Variants in THSD7B observed in about 807,000 individuals in gnomAD.
THSD7B encodes thrombospondin type-1 domain-containing protein 7B.
In THSD7B, 138 loss-of-function variants were observed where a neutral mutation model predicts 213.6. The ratio of observed to expected loss-of-function variants is 0.65; its 90% CI spans 0.56 to 0.74. The LOEUF (loss-of-function observed/expected upper bound fraction) is 0.74. THSD7B is among the 30% of genes least tolerant of loss of function. THSD7B has a pLI of 0.00. For missense variants in THSD7B, 1,931 were observed against 1,991.5 expected (o/e 0.97, Z 0.58); for synonymous variants, 742 against 687.0 (o/e 1.08, Z -1.25).
At chr2:136,924,217 G>A (rs757431946) in intron 2 of THSD7B, among the ~76,000 whole-genome samples, 5 of 152,140 alleles carry the variant, frequency 3.3e-5, no homozygotes, top group Non-Finnish European at 7.3e-5. Flanking sequence ...GAGTAGCTGG[G>A]ATTACAGGTG....
At chr2:137,633,424 A>G (rs1314175075) in intron 20 of THSD7B, among the ~76,000 whole-genome samples, 1 of 152,142 alleles carries the variant, frequency 6.6e-6, no homozygotes, top group Non-Finnish European at 1.5e-5. Context: ...AATACATACA[A>G]CAAATTTATT....
intron 2 of THSD7B, among the ~76,000 whole-genome samples, chr2:136,934,463 GT>G: frequency 6.6e-6 from 1 of 152,212 alleles, no homozygotes; most frequent in South Asian, 2.1e-4. Context: ...AAAAATTTAT[GT>G]CTTTCATTGT....
chr2:137,572,443 G>T lies in THSD7B; in HGVS notation c.3310G>T (p.Asp1104Tyr), dbSNP rs1198860736. 6.2e-7 allele frequency: 1 copy of T among 1,613,830 alleles called. No individual in the cohort carries two copies. Among genetic ancestry groups the T allele is most frequent in the Non-Finnish European group, 8.5e-7 (1 of 1,179,852 alleles). The change falls in exon 17 of 28, where the codon GAT (aspartate) becomes TAT (tyrosine). Residue 1104 changes from aspartate (D) to tyrosine (Y), a missense_variant. Physicochemically the swap from Asp to Tyr is radical, Grantham distance 160. Coordinates refer to ENST00000409968, the MANE Select transcript of THSD7B (RefSeq NM_001316349.2). ...NTADGEGGAV[D>Y]SNLCNQDEIP... is the part of the protein sequence containing the mutation. ...TGCGGATGGTGAAGGTGGAGCAGTGGATAGCAACCTGTGCAACCAGGATGA... is the reference window on the plus strand; with the variant it reads ...TGCGGATGGTGAAGGTGGAGCAGTGTATAGCAACCTGTGCAACCAGGATGA...
chr2:137,597,816 C>T (rs989275264), intron 17 of THSD7B, among the ~76,000 whole-genome samples: 2 of 152,084 alleles, frequency 1.3e-5, no homozygotes, highest in African/African-American at 4.8e-5. Flanking sequence ...CATTTAATTA[C>T]TTTGAATTGG....
chr2:137,226,674 G>T (rs1387535882), intron 7 of THSD7B, among the ~76,000 whole-genome samples: 1 of 151,648 alleles, frequency 6.6e-6, no homozygotes. Flanking sequence ...CTATGCCACA[G>T]CCCCTAGAAT....
intron 14 of THSD7B, among the ~76,000 whole-genome samples, chr2:137,442,743 C>A (rs1212491218): frequency 6.6e-6 from 1 of 151,948 alleles, no homozygotes; most frequent in Non-Finnish European, 1.5e-5. Flanking sequence ...AGGAACAGAA[C>A]CTGAAATATT....
At chr2:137,674,100 A>C (rs986653824) in intron 27 of THSD7B, among the ~76,000 whole-genome samples, 1 of 152,176 alleles carries the variant, frequency 6.6e-6, no homozygotes, top group Non-Finnish European at 1.5e-5. Context: ...CGTGTCTCCC[A>C]GGTGATAGTA....
At chr2:137,604,383 A>G (rs1682133534) in intron 17 of THSD7B, among the ~76,000 whole-genome samples, 2 of 152,062 alleles carry the variant, frequency 1.3e-5, no homozygotes, top group South Asian at 4.1e-4. Context: ...GTATTAAACT[A>G]CTCTATAGCA....
At chr2:137,514,878 A>T (rs1680038443) in intron 15 of THSD7B, among the ~76,000 whole-genome samples, 1 of 152,216 alleles carries the variant, frequency 6.6e-6, no homozygotes, top group Admixed American at 6.5e-5. Context: ...AACATAATGA[A>T]GTTGGTTGGT....
At chr2:136,888,736 A>G (rs1573690476) in intron 2 of THSD7B, among the ~76,000 whole-genome samples, 1 of 152,098 alleles carries the variant, frequency 6.6e-6, no homozygotes, top group Admixed American at 6.6e-5. Context: ...AAAAACATCC[A>G]TCTTACCTAA....
intron 2 of THSD7B, among the ~76,000 whole-genome samples, chr2:136,981,967 G>A (rs1685584365): frequency 6.6e-6 from 1 of 152,192 alleles, no homozygotes; most frequent in Non-Finnish European, 1.5e-5. Context: ...TACGCAGGAG[G>A]CACTGGGTGA....
intron 1 of THSD7B, among the ~76,000 whole-genome samples, chr2:136,810,524 T>C (rs1682357581): frequency 6.6e-6 from 1 of 152,182 alleles, no homozygotes. Context: ...AAAAGATACA[T>C]CATACATTCT....
At chr2:137,665,369 T>C (rs554572812) in intron 26 of THSD7B, among the ~76,000 whole-genome samples, 10 of 152,292 alleles carry the variant, frequency 6.6e-5, no homozygotes, top group Non-Finnish European at 1.0e-4. Context: ...TATGTGTGTG[T>C]GTCTATGTGT....
At chr2:137,223,203 G>C (rs1280875229) in intron 7 of THSD7B, among the ~76,000 whole-genome samples, 2 of 152,142 alleles carry the variant, frequency 1.3e-5, no homozygotes, top group Non-Finnish European at 2.9e-5. Context: ...TCAGGTGTAG[G>C]TGGCTGTGAA....
At chr2:137,167,096 G>T (rs577557689) in intron 6 of THSD7B, among the ~76,000 whole-genome samples, 38 of 152,244 alleles carry the variant, frequency 2.5e-4, no homozygotes, top group Middle Eastern at 3.4e-3. Context: ...GTTCAGGGCC[G>T]CCAGAGAGGA....
chr2:137,027,489 G>A (rs1645586268), intron 2 of THSD7B, among the ~76,000 whole-genome samples: 1 of 152,172 alleles, frequency 6.6e-6, no homozygotes, highest in Non-Finnish European at 1.5e-5. Flanking sequence ...CATTCTGTTG[G>A]CAAAAGTTGT....
chr2:137,215,797 G>A (rs1170757847), intron 7 of THSD7B, among the ~76,000 whole-genome samples: 5 of 152,022 alleles, frequency 3.3e-5, no homozygotes, highest in Non-Finnish European at 7.4e-5. Flanking sequence ...TCCAAATTTT[G>A]AATATTTCTT....
intron 10 of THSD7B, among the ~76,000 whole-genome samples, chr2:137,244,873 A>C (rs777143920): frequency 6.6e-6 from 1 of 152,192 alleles, no homozygotes; most frequent in Non-Finnish European, 1.5e-5. Flanking sequence ...AGGGGGAAAA[A>C]TTTGGAGGAA....
chr2:137,323,748 A>G (rs1573961463), intron 12 of THSD7B, among the ~76,000 whole-genome samples: 1 of 152,202 alleles, frequency 6.6e-6, no homozygotes, highest in African/African-American at 2.4e-5. Flanking sequence ...GCAACAAAAA[A>G]CTAGGGTGAA....
Sources: allele counts gnomAD v4.1 joint callset (sites outside exome capture counted in the v4.1 genomes callset), GRCh38; gene constraint gnomAD v4.1.1; transcripts MANE v1.5; gene names NCBI Gene and HGNC (gene_info 2026-07-23, HGNC 2026-07-21).